Variants in ZNF431 observed in about 807,000 individuals in gnomAD.
ZNF431 encodes zinc finger protein 431.
ZNF431 carries 34 observed loss-of-function variants against 57.0 expected under a neutral mutation model. The observed-to-expected ratio is 0.60, with a 90% CI of 0.45 to 0.79. The LOEUF (loss-of-function observed/expected upper bound fraction) is 0.79. Among genes scored for constraint, ZNF431 ranks in the 30% least tolerant of loss-of-function variants. ZNF431 has a pLI of 0.00. For missense variants in ZNF431, 607 were observed against 667.1 expected, an observed-to-expected ratio of 0.91 and a Z score of 0.99; for synonymous variants, 207 against 220.3, an observed-to-expected ratio of 0.94 and a Z score of 0.54.
At chr19:21,182,106 T>C (rs971327702) in intron 4 of ZNF431, among the ~76,000 whole-genome samples, 4 of 151,730 alleles carry the variant, frequency 2.6e-5, no homozygotes, top group Admixed American at 1.3e-4. Context: ...AGTCTCTCTG[T>C]TGCTGTAACA....
At position 21,182,929 on chromosome 19, in the gene ZNF431, G is replaced by A; in HGVS notation, c.626G>A (p.Cys209Tyr). 1.2e-6 allele frequency: 2 copies of A among 1,614,062 alleles called. No individual in the cohort carries two copies. The highest frequency in any genetic ancestry group is 1.3e-5 in the African/African-American group (1 of 75,068). ...AAGAAACCTTTCAAATGTAAAAAAT[G>A]TGGCAAATCATTTTGCATGCTTTTA... ...TGKKPFKCKK[C>Y]GKSFCMLLHL... The change falls in exon 5 of 5, where the codon TGT (cysteine) becomes TAT (tyrosine). Residue 209 changes from cysteine to tyrosine, a missense_variant. Cys to Tyr is a radical substitution (Grantham distance 194). Transcript: ENST00000311048.
At chr19:21,165,815 C>A (rs914842307) in intron 2 of ZNF431, among the ~76,000 whole-genome samples, 1 of 151,926 alleles carries the variant, frequency 6.6e-6, no homozygotes, top group Non-Finnish European at 1.5e-5. Flanking sequence ...CTTTCACTTG[C>A]CTAATGTTTG....
intron 4 of ZNF431, among the ~76,000 whole-genome samples, chr19:21,174,082 A>G (rs1279026334): frequency 6.6e-6 from 1 of 151,706 alleles, no homozygotes; most frequent in Non-Finnish European, 1.5e-5. Flanking sequence ...AGTAGCTGGG[A>G]TTACAGGCGC....
At chr19:21,157,848 A>AT (rs112684254) in intron 2 of ZNF431, among the ~76,000 whole-genome samples, 22,565 of 137,644 alleles carry the variant, frequency 0.16, 1,935 homozygotes, top group Non-Finnish European at 0.21. Context: ...TTTTTAATGA[A>AT]TTTTTTTTTT....
intron 2 of ZNF431, among the ~76,000 whole-genome samples, chr19:21,152,572 G>A (rs1288689895): frequency 6.6e-6 from 1 of 152,174 alleles, no homozygotes; most frequent in Non-Finnish European, 1.5e-5. Context: ...ACTGAGAGGG[G>A]TCTGTAACTT....
At chr19:21,162,807 T>G in intron 2 of ZNF431, 3 of 957,800 alleles carry the variant, frequency 3.1e-6, no homozygotes, top group Non-Finnish European at 3.7e-6. Context: ...TTAAGTTTTG[T>G]GTTAAAACCA....
chr19:21,168,785 CTAT>C (rs1410460674), intron 4 of ZNF431, among the ~76,000 whole-genome samples: 1 of 151,952 alleles, frequency 6.6e-6, no homozygotes, highest in Admixed American at 6.6e-5. Context: ...TATTTTAATG[CTAT>C]TATTAATAAG....
At chr19:21,160,273 T>A (rs1395511717) in intron 2 of ZNF431, among the ~76,000 whole-genome samples, 2 of 152,100 alleles carry the variant, frequency 1.3e-5, no homozygotes, top group African/African-American at 4.8e-5. Context: ...TTTTTAAGCT[T>A]TTTAGATCTT....
In ZNF431 at chr19:21,189,230, A is replaced by G. The variant is rs1971453239; in HGVS notation, c.*5196A>G. On this transcript the variant is annotated 3_prime_UTR_variant, in exon 5 of 5. Transcript: ENST00000311048. ...TCAGACATGATGGCTCATGCTTGTAATCCCAGCAATTTGGGAGGCCGAGGC... is the reference window on the plus strand; with the variant it reads ...TCAGACATGATGGCTCATGCTTGTAGTCCCAGCAATTTGGGAGGCCGAGGC... 1 of 152,170 alleles carries G rather than the reference A, an allele frequency of 6.6e-6. No individual in the cohort carries two copies. Among genetic ancestry groups the G allele is most frequent in the African/African-American group, 2.4e-5 (1 of 41,438 alleles). 9.4% of individuals were successfully genotyped at this position (152,170 alleles called of 1,614,324 possible). A position where few individuals can be genotyped will look rare whatever the true frequency, so the allele number is the denominator to read the frequency against.
chr19:21,174,479 G>A (rs1970994815), intron 4 of ZNF431, among the ~76,000 whole-genome samples: 1 of 151,998 alleles, frequency 6.6e-6, no homozygotes, highest in South Asian at 2.1e-4. Flanking sequence ...TGACTCATTT[G>A]ACCGTTATAT....
At position 21,194,436 on chromosome 19, in the gene ZNF431, A is replaced by G. The variant is rs1971568354; in HGVS notation, c.*10402A>G. The G allele has an allele frequency of 6.6e-6, 1 of 152,182 alleles. No homozygotes were observed. Among genetic ancestry groups the G allele is most frequent in the African/African-American group, 2.4e-5 (1 of 41,450 alleles). 9.4% of individuals were successfully genotyped at this position (152,182 alleles called of 1,614,324 possible). On this transcript the variant is annotated 3_prime_UTR_variant, in exon 5 of 5. Transcript: ENST00000311048. ...GTCTATGCTGCCTAGAGCAGCCTAC[A>G]AAATAAGTTTTTGTTTTTTTATCAA...
At chr19:21,164,732 CCTT>C (rs1383757244) in intron 2 of ZNF431, among the ~76,000 whole-genome samples, 3 of 152,018 alleles carry the variant, frequency 2.0e-5, no homozygotes, top group Non-Finnish European at 4.4e-5. Context: ...TACTTGGAAA[CCTT>C]CTCTGCTTGT....
chr19:21,174,341 C>G (rs1028661336), intron 4 of ZNF431, among the ~76,000 whole-genome samples: 26 of 152,082 alleles, frequency 1.7e-4, no homozygotes, highest in African/African-American at 6.3e-4. Context: ...GTCTTGATCG[C>G]CACAATTATG....
intron 4 of ZNF431, among the ~76,000 whole-genome samples, chr19:21,173,764 T>C (rs1351624870): frequency 6.6e-6 from 1 of 152,088 alleles, no homozygotes; most frequent in Non-Finnish European, 1.5e-5. Flanking sequence ...TGACCTCAGA[T>C]GATCCGTCCA....
intron 4 of ZNF431, 94 bp downstream of exon 4, chr19:21,167,760 G>A: frequency 1.2e-6 from 1 of 850,570 alleles, no homozygotes. Flanking sequence ...GTTTTGGGAA[G>A]CTGTGTTATA....
At position 21,178,398 on chromosome 19, in the gene ZNF431, A is replaced by G. The variant is rs1971117332; in HGVS notation, c.320-4225A>G. On this transcript the variant is annotated intron_variant, in intron 4 of 4. Coordinates refer to ENST00000311048, the MANE Select transcript of ZNF431 (RefSeq NM_133473.4). ...GCATCCTCATCTAGTGCCAGTTTTC[A>G]AGGGGAATGCTTCCAGCTTTTGCCC... 2.6e-5 allele frequency among the ~76,000 whole-genome samples: 4 copies of G among 152,266 alleles called. 1 individual carries two copies. The South Asian group carries it at 8.3e-4, about 32-fold the overall frequency.
At chr19:21,143,333 T>C (rs976833343) in intron 1 of ZNF431, among the ~76,000 whole-genome samples, 1 of 152,196 alleles carries the variant, frequency 6.6e-6, no homozygotes, top group African/African-American at 2.4e-5. Context: ...GTGCCTTTTC[T>C]CCTTGTATCT....
intron 4 of ZNF431, among the ~76,000 whole-genome samples, chr19:21,179,806 C>T (rs112678723): frequency 0.012 from 1,836 of 151,988 alleles, 28 homozygotes; most frequent in South Asian, 0.048. Flanking sequence ...GTGATCTGTC[C>T]GCCTCAGCCT....
At position 21,183,793 on chromosome 19, in the gene ZNF431, C is replaced by G. The variant is rs764752986; in HGVS notation, c.1490C>G (p.Ser497Ter). Residue 497 changes from serine (S) to a stop codon, truncating the protein, a stop_gained, in exon 5 of 5, where the codon TCA becomes TGA. Coordinates refer to ENST00000311048, the MANE Select transcript of ZNF431 (RefSeq NM_133473.4). LOFTEE classifies it high-confidence loss of function. ...EECGKAFNRS[S>*]NLTKHKIIHT... ...TGTGGCAAAGCTTTTAACCGATCCT[C>G]AAATCTTACTAAACATAAGATAATT... The G allele has an allele frequency of 1.2e-5, 19 of 1,613,864 alleles. No individual in the cohort carries two copies. The highest frequency in any genetic ancestry group is 1.6e-5 in the Non-Finnish European group (19 of 1,179,930).
Sources: gnomAD v4.1 joint callset for allele counts (sites outside exome capture counted in the v4.1 genomes callset) on GRCh38, gnomAD v4.1.1 for gene constraint, MANE v1.5 for transcripts, NCBI Gene and HGNC (gene_info 2026-07-23, HGNC 2026-07-21) for gene names.